PLCH1: variants seen among roughly 807,000 people sequenced by gnomAD.
PLCH1 encodes the protein phospholipase C eta 1, also known as 1-phosphatidylinositol 4,5-bisphosphate phosphodiesterase eta-1.
A neutral mutation model predicts 126.7 loss-of-function variants in PLCH1; 60 were observed. The ratio of observed to expected loss-of-function variants is 0.47; its 90% CI spans 0.38 to 0.59. PLCH1 has a LOEUF of 0.59. PLCH1 is among the 20% of genes least tolerant of loss of function. The pLI is 0.00. For synonymous variants in PLCH1, 719 were observed against 734.9 expected (o/e 0.98, Z 0.35); for missense variants, 1,723 against 2,040.0 (o/e 0.84, Z 2.99).
chr3:155,498,908 C>T (rs73154230), intron 14 of PLCH1, among the ~76,000 whole-genome samples: 13,430 of 152,170 alleles, frequency 0.088, 642 homozygotes, highest in African/African-American at 0.11. Context: ...CTCACACACA[C>T]ACTTTTTCTT....
intron 11 of PLCH1, among the ~76,000 whole-genome samples, chr3:155,520,841 C>A (rs1720988399): frequency 6.6e-6 from 1 of 152,132 alleles, no homozygotes; most frequent in South Asian, 2.1e-4. Context: ...GTGGTAGAAG[C>A]TTAAAAGATT....
intron 1 of PLCH1, among the ~76,000 whole-genome samples, chr3:155,718,875 A>C (rs1250726100): frequency 2.0e-5 from 3 of 149,986 alleles, no homozygotes; most frequent in Non-Finnish European, 3.0e-5. Flanking sequence ...GTACTGAGGA[A>C]GTATATTAAA....
chr3:155,639,945 A>T (rs1220100587), intron 2 of PLCH1, among the ~76,000 whole-genome samples: 1 of 152,162 alleles, frequency 6.6e-6, no homozygotes, highest in East Asian at 1.9e-4. Flanking sequence ...TGCTCCAGCC[A>T]TGTAAGACAT....
intron 11 of PLCH1, among the ~76,000 whole-genome samples, chr3:155,519,207 A>G (rs1010721213): frequency 6.6e-6 from 1 of 152,178 alleles, no homozygotes; most frequent in Non-Finnish European, 1.5e-5. Flanking sequence ...ATCAGGCACC[A>G]TGCACCTGCA....
intron 21 of PLCH1, among the ~76,000 whole-genome samples, chr3:155,452,007 C>G (rs553020845): frequency 6.6e-6 from 1 of 152,140 alleles, no homozygotes; most frequent in East Asian, 1.9e-4. Flanking sequence ...CCCTCTCTCT[C>G]TGTCTCTCTC....
chr3:155,695,427 T>G (rs1745719839), intron 2 of PLCH1, among the ~76,000 whole-genome samples: 2 of 152,206 alleles, frequency 1.3e-5, no homozygotes. Flanking sequence ...GAGTTTACAG[T>G]CAGAGAACTG....
rs568815361 is a variant in PLCH1, at chr3:155,529,495, C to T, written c.1363-5491G>A. Among the ~76,000 whole-genome samples the T allele has an allele frequency of 4.7e-4, 72 of 152,008 alleles. 1 individual carries two copies. Among genetic ancestry groups the T allele is most frequent in the African/African-American group, 1.6e-3 (66 of 41,472 alleles). ...AAATGAATATCACAATAAAGAGAGGCACACGGATTTTTTGGTCTCCCAGTG... is the reference window on the plus strand; with the variant it reads ...AAATGAATATCACAATAAAGAGAGGTACACGGATTTTTTGGTCTCCCAGTG... On this transcript the variant is annotated intron_variant, in intron 10 of 22. Coordinates refer to ENST00000460012, the MANE Select transcript of PLCH1 (RefSeq NM_014996.4).
intron 2 of PLCH1, among the ~76,000 whole-genome samples, chr3:155,691,016 C>G (rs1268106108): frequency 6.6e-6 from 1 of 152,202 alleles, no homozygotes; most frequent in Non-Finnish European, 1.5e-5. Flanking sequence ...CACACTGTGT[C>G]TCTAGAAGTT....
chr3:155,697,020 C>A (rs1252005027), intron 2 of PLCH1, among the ~76,000 whole-genome samples: 1 of 152,238 alleles, frequency 6.6e-6, no homozygotes, highest in Non-Finnish European at 1.5e-5. Context: ...AGCACCTTTT[C>A]ATCCCCTCCA....
chr3:155,631,271 T>C (rs1737988193), intron 2 of PLCH1, among the ~76,000 whole-genome samples: 2 of 152,168 alleles, frequency 1.3e-5, no homozygotes, highest in African/African-American at 4.8e-5. Context: ...TGCATATTAC[T>C]GATTATATTA....
In PLCH1 at chr3:155,480,232, A is replaced by G. The variant is rs1208339578; in HGVS notation, c.*736T>C. ...ATTCAATCAGAAAATTCAAAAGTAC[A>G]ACAGGTAGTTTGGCAACTCGCTTCT... is the stretch of plus-strand genomic sequence containing the variant. On this transcript the variant is annotated 3_prime_UTR_variant, in exon 23 of 23. Coordinates refer to ENST00000460012, the MANE Select transcript of PLCH1 (RefSeq NM_014996.4). The G allele has an allele frequency of 6.6e-6, 1 of 152,662 alleles. No individual in the cohort carries two copies. The highest frequency in any genetic ancestry group is 1.5e-5 in the Non-Finnish European group (1 of 68,044). 9.5% of individuals were successfully genotyped at this position (152,662 alleles called of 1,614,324 possible).
chr3:155,459,097 G>A (rs1440828906), intron 21 of PLCH1, among the ~76,000 whole-genome samples: 1 of 152,212 alleles, frequency 6.6e-6, no homozygotes, highest in Non-Finnish European at 1.5e-5. Context: ...TTGGGATAAG[G>A]TGGGGGTTTA....
intron 10 of PLCH1, among the ~76,000 whole-genome samples, chr3:155,530,417 C>T (rs531860647): frequency 6.6e-6 from 1 of 151,574 alleles, no homozygotes; most frequent in African/African-American, 2.4e-5. Context: ...CCCGGGTTCA[C>T]ACCATTCTCC....
intron 2 of PLCH1, among the ~76,000 whole-genome samples, chr3:155,692,619 G>A (rs1037086139): frequency 1.3e-5 from 2 of 152,046 alleles, no homozygotes; most frequent in African/African-American, 4.8e-5. Context: ...ATCTTGTTCC[G>A]TACTGTTGCC....
intron 10 of PLCH1, among the ~76,000 whole-genome samples, chr3:155,537,138 T>C (rs1425116224): frequency 1.5e-5 from 2 of 130,522 alleles, no homozygotes; most frequent in African/African-American, 3.0e-5. Context: ...TTTCAGATCA[T>C]AGGCAACAAA....
At chr3:155,627,806 C>T (rs1429928636) in intron 2 of PLCH1, among the ~76,000 whole-genome samples, 86 of 150,092 alleles carry the variant, frequency 5.7e-4, no homozygotes, top group Admixed American at 1.3e-3. Context: ...CTCACTCCAT[C>T]GCCCAGGCTG....
At position 155,565,340 on chromosome 3, in the gene PLCH1, A is replaced by T. The variant is rs147615703; in HGVS notation, c.866-222T>A. On this transcript the variant is annotated intron_variant, in intron 7 of 22. Transcript: ENST00000460012. ...ATCTCATGTTGAAATATAATCCCCT[A>T]TGTTGGAGGTGGGCCCTGGTGGGAG... 4.2e-3 allele frequency among the ~76,000 whole-genome samples: 637 copies of T among 152,242 alleles called. 1 individual carries two copies. Among genetic ancestry groups the T allele is most frequent in the Admixed American group, 7.1e-3 (108 of 15,300 alleles).
At chr3:155,714,329 A>G (rs1329245433) in intron 1 of PLCH1, among the ~76,000 whole-genome samples, 2 of 152,182 alleles carry the variant, frequency 1.3e-5, no homozygotes, top group African/African-American at 2.4e-5. Flanking sequence ...CCCAGCCCCA[A>G]ACTGACAGCT....
intron 2 of PLCH1, among the ~76,000 whole-genome samples, chr3:155,669,205 G>T (rs543698817): frequency 3.1e-4 from 47 of 150,668 alleles, no homozygotes; most frequent in Non-Finnish European, 5.9e-5. Flanking sequence ...GTAGTAATGA[G>T]AGAATATGAA....
Sources: allele counts gnomAD v4.1 joint callset (sites outside exome capture counted in the v4.1 genomes callset), GRCh38; gene constraint gnomAD v4.1.1; transcripts MANE v1.5; gene names NCBI Gene and HGNC (gene_info 2026-07-23, HGNC 2026-07-21).